The following AKAP7 variants were observed in gnomAD, a reference collection of about 807,000 sequenced individuals.
AKAP7 encodes A kinase (PRKA) anchor protein 7.
A neutral mutation model predicts 39.5 loss-of-function variants in AKAP7; 39 were observed. The observed-to-expected ratio is 0.99, with a 90% CI of 0.76 to 1.29. The LOEUF (loss-of-function observed/expected upper bound fraction) is 1.29. Among genes scored for constraint, AKAP7 ranks in the 50% most tolerant of loss-of-function variants. The pLI is 0.00. For missense variants in AKAP7, 414 were observed against 407.7 expected (o/e 1.02, Z -0.13); for synonymous variants, 140 against 139.1 (o/e 1.01, Z -0.05).
intron 7 of AKAP7, among the ~76,000 whole-genome samples, chr6:131,263,011 G>C (rs1404688658): frequency 6.6e-6 from 1 of 152,212 alleles, no homozygotes; most frequent in African/African-American, 2.4e-5. Flanking sequence ...CAAAGCAGTG[G>C]CTAGAATGTT....
intron 5 of AKAP7, among the ~76,000 whole-genome samples, chr6:131,194,258 A>G (rs1806700519): frequency 6.6e-6 from 1 of 151,914 alleles, no homozygotes; most frequent in Admixed American, 6.6e-5. Context: ...ATTTGTTTCA[A>G]TAATTTTTTC....
At chr6:131,223,199 T>C (rs540501478) in intron 7 of AKAP7, among the ~76,000 whole-genome samples, 1 of 152,336 alleles carries the variant, frequency 6.6e-6, no homozygotes, top group Admixed American at 6.5e-5. Context: ...AATGTTTGCT[T>C]TATTGCAATA....
At chr6:131,261,158 T>C (rs1813288181) in intron 7 of AKAP7, among the ~76,000 whole-genome samples, 1 of 149,784 alleles carries the variant, frequency 6.7e-6, no homozygotes, top group Admixed American at 6.7e-5. Context: ...ATTGCACCAT[T>C]GCGCAACAAG....
At chr6:131,253,324 G>A (rs1014103091) in intron 7 of AKAP7, among the ~76,000 whole-genome samples, 1 of 152,116 alleles carries the variant, frequency 6.6e-6, no homozygotes, top group Admixed American at 6.6e-5. Flanking sequence ...ATATTCTTAT[G>A]CAATTTGAAT....
intron 1 of AKAP7, among the ~76,000 whole-genome samples, chr6:131,143,433 A>T (rs1218667166): frequency 6.6e-6 from 1 of 152,008 alleles, no homozygotes; most frequent in Non-Finnish European, 1.5e-5. Flanking sequence ...GTTTTTCTTG[A>T]CGTGTGACAT....
At chr6:131,210,912 G>C (rs1332820194) in intron 6 of AKAP7, among the ~76,000 whole-genome samples, 1 of 152,126 alleles carries the variant, frequency 6.6e-6, no homozygotes, top group Non-Finnish European at 1.5e-5. Context: ...ATCAGAAAAT[G>C]GTAAACTTTG....
chr6:131,217,310 T>C (rs1307366260), intron 6 of AKAP7, among the ~76,000 whole-genome samples: 1 of 152,184 alleles, frequency 6.6e-6, no homozygotes, highest in Non-Finnish European at 1.5e-5. Context: ...AGTCTTCCTT[T>C]TTTTTTAGTA....
At chr6:131,219,077 G>A (rs933606651) in intron 6 of AKAP7, among the ~76,000 whole-genome samples, 1 of 151,940 alleles carries the variant, frequency 6.6e-6, no homozygotes, top group African/African-American at 2.4e-5. Flanking sequence ...GACCATCCTG[G>A]CTAACACAGT....
At chr6:131,253,041 G>C (rs1327539358) in intron 7 of AKAP7, 1 of 1,613,486 alleles carries the variant, frequency 6.2e-7, no homozygotes, top group Admixed American at 1.7e-5. Context: ...ACACAGGTGA[G>C]TTGGAAAGCT....
At chr6:131,182,813 G>A (rs1805399310) in intron 5 of AKAP7, among the ~76,000 whole-genome samples, 1 of 151,466 alleles carries the variant, frequency 6.6e-6, no homozygotes, top group Admixed American at 6.6e-5. Flanking sequence ...TTTGATAATG[G>A]CCCTTTTTTT....
rs188318515 is a variant in AKAP7 at position 131,159,434 on chromosome 6, T to C, written c.152-625T>C. ...AAAAAAATTTCCTGTTTGTTGCCAATGGATACTTTTGTAAAATACAATAAA... is the reference window on the plus strand; with the variant it reads ...AAAAAAATTTCCTGTTTGTTGCCAACGGATACTTTTGTAAAATACAATAAA... On this transcript the variant is annotated intron_variant, in intron 2 of 7. Transcript: ENST00000431975. Among the ~76,000 whole-genome samples the C allele has an allele frequency of 5.5e-3, 835 of 152,038 alleles. 5 individuals are homozygous for C. Among genetic ancestry groups the C allele is most frequent in the Non-Finnish European group, 8.8e-3 (600 of 67,972 alleles).
chr6:131,147,181 C>T (rs1801548986), intron 2 of AKAP7, among the ~76,000 whole-genome samples: 1 of 152,206 alleles, frequency 6.6e-6, no homozygotes, highest in African/African-American at 2.4e-5. Context: ...AGCACAGATT[C>T]TTCTTTTTCA....
intron 7 of AKAP7, among the ~76,000 whole-genome samples, chr6:131,275,494 G>C (rs565369106): frequency 6.6e-6 from 1 of 152,182 alleles, no homozygotes; most frequent in East Asian, 1.9e-4. Context: ...ACAGCTATCT[G>C]CAGAAATTGT....
the AKAP7 span, among the ~76,000 whole-genome samples, chr6:131,129,669 G>A: frequency 6.6e-6 from 1 of 152,252 alleles, no homozygotes; most frequent in Non-Finnish European, 1.5e-5. Context: ...ACTGAAATAA[G>A]TCTATTATTA....
chr6:131,185,730 C>G (rs1191340259), intron 5 of AKAP7, among the ~76,000 whole-genome samples: 1 of 152,162 alleles, frequency 6.6e-6, no homozygotes, highest in African/African-American at 2.4e-5. Context: ...AATCTCTTAT[C>G]AGATATACGA....
At chr6:131,212,220 C>T (rs1808734535) in intron 6 of AKAP7, among the ~76,000 whole-genome samples, 1 of 152,110 alleles carries the variant, frequency 6.6e-6, no homozygotes, top group Non-Finnish European at 1.5e-5. Context: ...GGAAATTTCA[C>T]AATTAAATGT....
chr6:131,205,405 T>C (rs1046244488), intron 6 of AKAP7, among the ~76,000 whole-genome samples: 1 of 152,090 alleles, frequency 6.6e-6, no homozygotes, highest in Admixed American at 6.6e-5. Context: ...GTGTGAGGGT[T>C]TCCCAGTGGT....
intron 6 of AKAP7, among the ~76,000 whole-genome samples, chr6:131,216,274 G>A (rs1028083916): frequency 1.3e-5 from 2 of 152,134 alleles, no homozygotes; most frequent in Admixed American, 1.3e-4. Context: ...TCTACTTCCT[G>A]TATTAAAAAT....
upstream of AKAP7, among the ~76,000 whole-genome samples, chr6:131,134,657 G>A (rs150039910): frequency 2.6e-5 from 4 of 152,202 alleles, no homozygotes; most frequent in Non-Finnish European, 5.9e-5. Context: ...GAAACTCAAC[G>A]TGTTAGAATT....
Sources: gnomAD v4.1 joint callset for allele counts (sites outside exome capture counted in the v4.1 genomes callset) on GRCh38, gnomAD v4.1.1 for gene constraint, MANE v1.5 for transcripts, NCBI Gene and HGNC (gene_info 2026-07-23, HGNC 2026-07-21) for gene names.